Variants in DMD observed in about 807,000 individuals in gnomAD.
DMD encodes the protein mutant dystrophin.
In DMD, 63 loss-of-function variants were observed where a neutral mutation model predicts 330.1. That is an observed-to-expected ratio of 0.19 (90% confidence interval 0.16 to 0.24). The LOEUF (loss-of-function observed/expected upper bound fraction) is 0.24. DMD is among the 10% of genes least tolerant of loss of function. DMD has a pLI of 1.00. For missense variants in DMD, 3,344 were observed against 2,684.1 expected (o/e 1.25, Z -5.43); for synonymous variants, 1,223 against 959.8 (o/e 1.27, Z -5.07).
chrX:33,178,792 G>A (rs1274112051), intron 1 of DMD, among the ~76,000 whole-genome samples: 2 of 111,897 alleles, frequency 1.8e-5, no homozygotes, highest in African/African-American at 3.3e-5. Flanking sequence ...TTACTGCTGC[G>A]TTTCTTTGAA....
At chrX:31,679,613 T>C (rs374830858) in intron 52 of DMD, 27 bp from the exon 53 acceptor site, 37 of 1,122,076 alleles carry the variant, frequency 3.3e-5, no homozygotes, top group Non-Finnish European at 4.4e-5. Flanking sequence ...AATAAATATA[T>C]AGTAGTAAAT....
At chrX:31,284,182 C>A (rs1466707141) in intron 62 of DMD, among the ~76,000 whole-genome samples, 2 of 111,326 alleles carry the variant, frequency 1.8e-5, no homozygotes, top group Non-Finnish European at 3.8e-5. Context: ...TGTGTGGATA[C>A]CTGAAGTATG....
intron 1 of DMD, among the ~76,000 whole-genome samples, chrX:33,330,340 C>T (rs1480572148): frequency 9.0e-6 from 1 of 111,466 alleles, no homozygotes; most frequent in East Asian, 2.8e-4. Flanking sequence ...AACACAATTT[C>T]TTATTGTTAC....
chrX:31,884,810 TAC>T (rs1382313869), intron 47 of DMD, among the ~76,000 whole-genome samples: 1 of 111,961 alleles, frequency 8.9e-6, no homozygotes, highest in Non-Finnish European at 1.9e-5. Flanking sequence ...TTTAAAAATT[TAC>T]ACATAGATTT....
intron 54 of DMD, among the ~76,000 whole-genome samples, chrX:31,647,766 G>C (rs973911536): frequency 1.8e-5 from 2 of 112,479 alleles, no homozygotes; most frequent in African/African-American, 6.5e-5. Flanking sequence ...TAATTGCTCT[G>C]TGGCATAAAC....
chrX:31,442,944 G>T (rs1295811548), intron 60 of DMD, among the ~76,000 whole-genome samples: 1 of 111,328 alleles, frequency 9.0e-6, no homozygotes, highest in Non-Finnish European at 1.9e-5. Flanking sequence ...AATTATGTGA[G>T]ATCTCAAGAG....
chrX:31,480,353 T>C (rs2068165555), intron 57 of DMD, among the ~76,000 whole-genome samples: 1 of 111,797 alleles, frequency 8.9e-6, no homozygotes, highest in African/African-American at 3.2e-5. Context: ...CTATTTACAA[T>C]TCAATAGAGA....
At chrX:32,562,226 A>C (rs1341539293) in intron 16 of DMD, among the ~76,000 whole-genome samples, 2 of 112,293 alleles carry the variant, frequency 1.8e-5, no homozygotes, top group African/African-American at 3.2e-5. Flanking sequence ...TTAGAAAAAA[A>C]GTATTTTCTA....
At chrX:31,994,122 A>G (rs1425994739) in intron 44 of DMD, among the ~76,000 whole-genome samples, 1 of 111,720 alleles carries the variant, frequency 9.0e-6, no homozygotes, top group African/African-American at 3.3e-5. Flanking sequence ...CCAAAACGCC[A>G]ACTGTTAGAA....
chrX:32,570,491 G>A (rs1398486498), intron 15 of DMD, among the ~76,000 whole-genome samples: 1 of 111,844 alleles, frequency 8.9e-6, no homozygotes, highest in Non-Finnish European at 1.9e-5. Context: ...ATGGCCCTGA[G>A]GCTAGCCAAG....
intron 44 of DMD, among the ~76,000 whole-genome samples, chrX:32,092,724 CTTTTTTTTTTTTTTTTT>C (rs11315047): frequency 0.02 from 804 of 39,825 alleles, 11 homozygotes; most frequent in Non-Finnish European, 0.028. Flanking sequence ...GTTATTTTCA[CTTTTTTTTTTTTTTTTT>C]TTTTTTTTTT....
rs753097636 is a variant in DMD at position 31,436,604 on chromosome X, A to G, written c.9084+7877T>C. On this transcript the variant is annotated intron_variant, in intron 60 of 78. Coordinates refer to ENST00000357033, the MANE Select transcript of DMD (RefSeq NM_004006.3). Reference sequence around the variant, plus strand: ...AATTTCGATAACAGTCCTCTTGACTAAAGTACAATTAGTTGTACAAACATT... The same window carrying G: ...AATTTCGATAACAGTCCTCTTGACTGAAGTACAATTAGTTGTACAAACATT... Among the ~76,000 whole-genome samples the G allele has an allele frequency of 4.5e-5, 5 of 112,257 alleles. No individual in the cohort carries two copies. The South Asian group carries it at 1.9e-3, about 42-fold the overall frequency.
intron 61 of DMD, among the ~76,000 whole-genome samples, chrX:31,345,235 T>C (rs1281535495): frequency 9.0e-6 from 1 of 111,729 alleles, no homozygotes; most frequent in Non-Finnish European, 1.9e-5. Flanking sequence ...TATGAATACC[T>C]GTGTCTAACA....
chrX:33,237,664 C>T (rs1236588478), intron 1 of DMD, among the ~76,000 whole-genome samples: 3 of 111,932 alleles, frequency 2.7e-5, no homozygotes, highest in African/African-American at 9.7e-5. Context: ...CATTTCATTT[C>T]TATTTGTGAA....
intron 49 of DMD, among the ~76,000 whole-genome samples, chrX:31,822,653 G>GGGGGTGTGT (rs58903799): frequency 5.6e-4 from 37 of 65,808 alleles, no homozygotes; most frequent in African/African-American, 2.4e-3. Context: ...AAGGCAGAGG[G>GGGGGTGTGT]GTGTGTGTGT....
chrX:32,493,978 A>C (rs1367728187), intron 19 of DMD, among the ~76,000 whole-genome samples: 2 of 112,053 alleles, frequency 1.8e-5, no homozygotes, highest in African/African-American at 6.5e-5. Flanking sequence ...TGTCTAAATG[A>C]GACGGGAACA....
At chrX:32,694,176 C>T (rs1175973016) in intron 9 of DMD, among the ~76,000 whole-genome samples, 1 of 111,237 alleles carries the variant, frequency 9.0e-6, no homozygotes, top group Non-Finnish European at 1.9e-5. Flanking sequence ...TTTTTCAGCC[C>T]CTTTGCTGAT....
intron 44 of DMD, among the ~76,000 whole-genome samples, chrX:32,056,072 ATAAAT>A (rs1385897234): frequency 9.0e-6 from 1 of 111,372 alleles, no homozygotes; most frequent in African/African-American, 3.2e-5. Context: ...TAGTGATTTG[ATAAAT>A]TAAATGATAA....
At chrX:32,442,886 A>G (rs1232290969) in intron 27 of DMD, among the ~76,000 whole-genome samples, 1 of 111,199 alleles carries the variant, frequency 9.0e-6, no homozygotes, top group East Asian at 2.8e-4. Flanking sequence ...AAGCCCTAAA[A>G]AAACTATATT....
Sources: allele counts gnomAD v4.1 joint callset (sites outside exome capture counted in the v4.1 genomes callset), GRCh38; gene constraint gnomAD v4.1.1; transcripts MANE v1.5; gene names NCBI Gene and HGNC (gene_info 2026-07-23, HGNC 2026-07-21).